RYR3: variants seen among roughly 807,000 people sequenced by gnomAD.
The protein encoded by RYR3 is ryanodine receptor 3.
In RYR3, 207 loss-of-function variants were observed where a neutral mutation model predicts 584.3. That is an observed-to-expected ratio of 0.35 (90% CI 0.32 to 0.40). RYR3 has a LOEUF of 0.40. Among genes scored for constraint, RYR3 ranks in the 10% least tolerant of loss-of-function variants. The probability of loss-of-function intolerance (pLI) is 1.00; values close to 1 mark genes in which losing one functional copy is unlikely to be tolerated. For missense variants in RYR3, 5,616 were observed against 6,089.2 expected (o/e 0.92, Z 2.59); for synonymous variants, 2,416 against 2,248.5 (o/e 1.07, Z -2.11).
rs2043001602 is a variant in RYR3, at chr15:33,406,113, A to G, written c.52-67306A>G. On this transcript the variant is annotated intron_variant, in intron 1 of 103. Coordinates refer to ENST00000634891, the MANE Select transcript of RYR3 (RefSeq NM_001036.6). ...TACCTGCTAACTGCTATGGCTGGAA[A>G]GAGTGTCTAATGGCAGTAGGGAGGT... 3.3e-5 allele frequency among the ~76,000 whole-genome samples: 5 copies of G among 152,232 alleles called. No individual in the cohort carries two copies. In the South Asian group the frequency reaches 1.0e-3, roughly 31 times the overall value.
At chr15:33,385,553 C>T (rs1197468999) in intron 1 of RYR3, among the ~76,000 whole-genome samples, 1 of 152,030 alleles carries the variant, frequency 6.6e-6, no homozygotes, top group Non-Finnish European at 1.5e-5. Context: ...CAAACAAAAA[C>T]CTCATAGTTT....
chr15:33,438,049 C>T (rs1197995532), intron 1 of RYR3, among the ~76,000 whole-genome samples: 1 of 152,146 alleles, frequency 6.6e-6, no homozygotes, highest in African/African-American at 2.4e-5. Flanking sequence ...TTCTCTCTCT[C>T]CTCTTCAGAG....
At chr15:33,655,676 C>T (rs903732366) in intron 32 of RYR3, among the ~76,000 whole-genome samples, 1 of 152,150 alleles carries the variant, frequency 6.6e-6, no homozygotes, top group Middle Eastern at 3.2e-3. Context: ...CTGACTCTTG[C>T]CCTTAAGAAT....
At chr15:33,707,200 G>A (rs941980175) in intron 43 of RYR3, 146 bp downstream of exon 43, 1 of 910,822 alleles carries the variant, frequency 1.1e-6, no homozygotes, top group Non-Finnish European at 1.6e-6. Flanking sequence ...AGAATCACAG[G>A]TGTTTGGTGG....
chr15:33,539,928 G>A (rs1292225733), intron 6 of RYR3, among the ~76,000 whole-genome samples: 1 of 152,090 alleles, frequency 6.6e-6, no homozygotes, highest in Non-Finnish European at 1.5e-5. Context: ...AGGAGGGGTT[G>A]ATCTTGCTGT....
chr15:33,842,912 G>A (rs745508144), intron 91 of RYR3, among the ~76,000 whole-genome samples: 3 of 152,152 alleles, frequency 2.0e-5, no homozygotes, highest in African/African-American at 7.2e-5. Context: ...TTGGCTCCCT[G>A]AGCAATAAAG....
chr15:33,586,406 G>A (rs1297616979), intron 16 of RYR3, among the ~76,000 whole-genome samples: 1 of 152,100 alleles, frequency 6.6e-6, no homozygotes, highest in Non-Finnish European at 1.5e-5. Flanking sequence ...GTCTGCACAT[G>A]GCCAACCGTA....
chr15:33,345,558 G>C (rs1370284463), intron 1 of RYR3, among the ~76,000 whole-genome samples: 1 of 152,070 alleles, frequency 6.6e-6, no homozygotes, highest in Admixed American at 6.5e-5. Flanking sequence ...AGGAGTAACA[G>C]TGTTCATTCT....
chr15:33,853,905 C>G (rs1247714455), intron 96 of RYR3, among the ~76,000 whole-genome samples: 2 of 151,980 alleles, frequency 1.3e-5, no homozygotes, highest in Non-Finnish European at 2.9e-5. Flanking sequence ...ATTAAAATTT[C>G]AGGTTGGGCT....
At chr15:33,413,566 C>T (rs1434550796) in intron 1 of RYR3, among the ~76,000 whole-genome samples, 1 of 152,148 alleles carries the variant, frequency 6.6e-6, no homozygotes, top group Non-Finnish European at 1.5e-5. Context: ...CTGTCATCTT[C>T]ATGAAAAGAG....
At chr15:33,840,228 G>A (rs2078273721) in intron 89 of RYR3, among the ~76,000 whole-genome samples, 1 of 152,156 alleles carries the variant, frequency 6.6e-6, no homozygotes, top group Non-Finnish European at 1.5e-5. Context: ...CAGAGGATAT[G>A]GCTAAGTATC....
intron 10 of RYR3, among the ~76,000 whole-genome samples, chr15:33,554,018 C>T (rs1012687038): frequency 6.6e-6 from 1 of 152,112 alleles, no homozygotes; most frequent in Non-Finnish European, 1.5e-5. Flanking sequence ...GCCTTTTGCC[C>T]CTCTGCACTC....
In RYR3 at chr15:33,670,495, A is replaced by T. The variant is rs199507912; in HGVS notation, c.5799A>T (p.Lys1933Asn). The change falls in exon 38 of 104, where the codon AAA becomes AAT. Residue 1933 changes from lysine (K) to asparagine (N), a missense_variant. Lys to Asn is a moderately conservative substitution (Grantham distance 94, BLOSUM62 0). Around this residue, in one of 9 missense-constraint regions of RYR3, gnomAD observed 1,280 missense variants for 1,426.2 expected, o/e 0.90. Transcript: ENST00000634891. ...GAAAACTCTGTGCCTTGGTTTACAA[A>T]ATCAAAGGCCCACCCAAGCCAGAGA... is the stretch of plus-strand genomic sequence containing the variant. ...WTGKLCALVY[K>N]IKGPPKPEKE... 1.6e-4 allele frequency: 259 copies of T among 1,609,072 alleles called. No individual in the cohort carries two copies. Among genetic ancestry groups the T allele is most frequent in the Admixed American group, 2.6e-4 (15 of 58,800 alleles).
chr15:33,435,200 T>A (rs1303389601), intron 1 of RYR3, among the ~76,000 whole-genome samples: 3 of 152,200 alleles, frequency 2.0e-5, no homozygotes, highest in South Asian at 2.1e-4. Context: ...GTTGTACAGA[T>A]CATTTCATCA....
intron 65 of RYR3, among the ~76,000 whole-genome samples, chr15:33,785,022 A>G (rs2074617318): frequency 6.6e-6 from 1 of 152,152 alleles, no homozygotes; most frequent in South Asian, 2.1e-4. Context: ...CCTTGGAAAC[A>G]AAAAGGATTA....
chr15:33,853,036 G>T lies in RYR3; in HGVS notation c.13629-9G>T. 6.2e-7 allele frequency: 1 copy of T among 1,602,056 alleles called. No individual in the cohort carries two copies. Among genetic ancestry groups the T allele is most frequent in the Admixed American group, 1.7e-5 (1 of 57,940 alleles). ...ATGAAGAACCAACCTTTTTCGTTTTGTTTTTCAGATCTTTTCCTAATAACT... is the reference window on the plus strand; with the variant it reads ...ATGAAGAACCAACCTTTTTCGTTTTTTTTTTCAGATCTTTTCCTAATAACT... On this transcript the variant is annotated splice_polypyrimidine_tract_variant and intron_variant, in intron 94 of 103. Transcript: ENST00000634891.
At chr15:33,464,783 T>C (rs1270915223) in intron 1 of RYR3, among the ~76,000 whole-genome samples, 1 of 151,976 alleles carries the variant, frequency 6.6e-6, no homozygotes, top group Admixed American at 6.6e-5. Flanking sequence ...ATCTCAATTA[T>C]AAGATAGAGT....
intron 10 of RYR3, among the ~76,000 whole-genome samples, chr15:33,558,365 C>T (rs535248542): frequency 6.6e-4 from 48 of 72,476 alleles, no homozygotes; most frequent in Admixed American, 3.0e-3. Context: ...TTTGTCCTTG[C>T]AATAGTTTGC....
intron 39 of RYR3, among the ~76,000 whole-genome samples, chr15:33,697,539 C>T (rs2065933558): frequency 6.6e-6 from 1 of 152,194 alleles, no homozygotes; most frequent in African/African-American, 2.4e-5. Context: ...ATTGTTCTTA[C>T]ATCTTAATGT....
Sources: allele counts gnomAD v4.1 joint callset (sites outside exome capture counted in the v4.1 genomes callset), GRCh38; gene constraint gnomAD v4.1.1; regional missense constraint gnomAD v4.1.1; transcripts MANE v1.5; gene names NCBI Gene and HGNC (gene_info 2026-07-23, HGNC 2026-07-21).